The following CLCC1 variants were observed in gnomAD, a reference collection of about 807,000 sequenced individuals.
CLCC1 encodes chloride channel CLIC like 1, also known as chloride channel CLIC-like protein 1.
In CLCC1, 39 loss-of-function variants were observed where a neutral mutation model predicts 63.3. The ratio of observed to expected loss-of-function variants is 0.62; its 90% CI spans 0.48 to 0.81. The LOEUF is 0.81. Ranked by LOEUF, CLCC1 falls within the 30% of genes least tolerant of loss-of-function variation. CLCC1 has a pLI of 0.00. For synonymous variants in CLCC1, 217 were observed against 239.8 expected (o/e 0.90, Z 0.88); for missense variants, 549 against 669.4 (o/e 0.82, Z 1.98).
At chr1:108,946,204 G>A (rs999079810) in intron 5 of CLCC1, among the ~76,000 whole-genome samples, 1 of 152,050 alleles carries the variant, frequency 6.6e-6, no homozygotes, top group African/African-American at 2.4e-5. Context: ...CAGCTACTCA[G>A]GAGGCTGAGG....
At position 108,950,292 on chromosome 1, in the gene CLCC1, C is replaced by G; in HGVS notation, c.129+17G>C. 1.2e-6 allele frequency: 2 copies of G among 1,601,940 alleles called. No individual in the cohort carries two copies. The highest frequency in any genetic ancestry group is 1.7e-6 in the Non-Finnish European group (2 of 1,173,216). On this transcript the variant is annotated intron_variant, in intron 3 of 12. Transcript: ENST00000369969. ...ACTGATAAGGTCTCACACACATGCA[C>G]GAATTTTTTTTAATACCTGAGATTT...
Position 108,944,027 on chromosome 1 carries a change from C to T in CLCC1, c.370G>A (p.Asp124Asn), listed in dbSNP as rs1571035094. 1.9e-6 allele frequency: 3 copies of T among 1,608,576 alleles called. No individual in the cohort carries two copies. The highest frequency in any genetic ancestry group is 2.2e-5 in the East Asian group (1 of 44,834). Residue 124 changes from aspartate (D) to asparagine (N), a missense_variant, in exon 6 of 13, where the codon GAT (aspartate) becomes AAT (asparagine). Asp to Asn is a conservative substitution (Grantham distance 23, BLOSUM62 1). Coordinates refer to ENST00000369969, the MANE Select transcript of CLCC1 (RefSeq NM_001377458.1). ...TCTCTTTTAAGGATAATCTCAGCATCATAATGCATATCGCCTTTGTTTTCA... is the reference window on the plus strand; with the variant it reads ...TCTCTTTTAAGGATAATCTCAGCATTATAATGCATATCGCCTTTGTTTTCA... Reference protein sequence around the residue: ...PDENKGDMHYDAEIILKRETL... With the variant: ...PDENKGDMHYNAEIILKRETL...
Position 108,929,773 on chromosome 1 carries a change from G to A in CLCC1, c.*2774C>T. 1 of 1,613,834 alleles carries A rather than the reference G, an allele frequency of 6.2e-7. No individual in the cohort carries two copies. Among genetic ancestry groups the A allele is most frequent in the South Asian group, 1.1e-5 (1 of 91,078 alleles). ...AAAGGGTCCGACAGTACCAGATGAA[G>A]ACTTTTTCAGCCTTATTTTACGGTC... On this transcript the variant is annotated 3_prime_UTR_variant, in exon 13 of 13. Coordinates refer to ENST00000369969, the MANE Select transcript of CLCC1 (RefSeq NM_001377458.1).
At chr1:108,956,466 C>T (rs1418819079) in intron 2 of CLCC1, among the ~76,000 whole-genome samples, 1 of 150,990 alleles carries the variant, frequency 6.6e-6, no homozygotes, top group Non-Finnish European at 1.5e-5. Context: ...TCGAGACCAT[C>T]CCGGCTAACA....
In CLCC1 at chr1:108,930,187, C is replaced by CTT; in HGVS notation, c.*2358_*2359dup. Reference sequence around the variant, plus strand: ...CTGCTTGGGATGTGTTCTTTGGCAGCTTGTGAGATTACTTTACCTAGTGTT... The same window carrying CTT: ...CTGCTTGGGATGTGTTCTTTGGCAGCTTTTGTGAGATTACTTTACCTAGTGTT... On this transcript the variant is annotated 3_prime_UTR_variant, in exon 13 of 13. Transcript: ENST00000369969. 2.2e-6 allele frequency: 1 copy of CTT among 449,548 alleles called. No homozygotes were observed. Among genetic ancestry groups the CTT allele is most frequent in the Non-Finnish European group, 3.9e-6 (1 of 253,844 alleles). 27.8% of individuals were successfully genotyped at this position (449,548 alleles called of 1,614,324 possible).
At position 108,954,770 on chromosome 1, in the gene CLCC1, T is replaced by C. The variant is rs113218566; in HGVS notation, c.-11-4322A>G. Among the ~76,000 whole-genome samples, 100 of 151,316 alleles carry C rather than the reference T, an allele frequency of 6.6e-4. 7 individuals carry two copies. The highest frequency in any genetic ancestry group is 3.4e-3 in the Middle Eastern group (1 of 292). On this transcript the variant is annotated intron_variant, in intron 2 of 12. Transcript: ENST00000369969. ...TTGTGGAACGAGTTCAGCATTCATT[T>C]GTTCAACATTTACCAAATACCTACT...
chr1:108,943,053 G>A (rs1052946782), intron 7 of CLCC1, among the ~76,000 whole-genome samples: 1 of 152,076 alleles, frequency 6.6e-6, no homozygotes, highest in African/African-American at 2.4e-5. Flanking sequence ...GGGACTACAG[G>A]TGCACGTCAC....
chr1:108,939,797 A>G lies in CLCC1; in HGVS notation c.895-15T>C. ...ACTGCAAGTGCCTAAAACGAGAGAA[A>G]AGCAACTTAATTTTCTCCTCACAGG... On this transcript the variant is annotated splice_polypyrimidine_tract_variant and intron_variant, in intron 9 of 12. Coordinates refer to ENST00000369969, the MANE Select transcript of CLCC1 (RefSeq NM_001377458.1). 1 of 1,611,362 alleles carries G rather than the reference A, an allele frequency of 6.2e-7. No homozygotes were observed. The highest frequency in any genetic ancestry group is 8.5e-7 in the Non-Finnish European group (1 of 1,178,836).
intron 12 of CLCC1, chr1:108,933,709 T>C (rs950178046): frequency 6.6e-6 from 1 of 152,202 alleles, no homozygotes; most frequent in Non-Finnish European, 1.5e-5. Flanking sequence ...TTAAAAAGTT[T>C]AAAATGAGGA....
rs1158309311 is a variant in CLCC1, at chr1:108,939,781, G to A, written c.896C>T (p.Ala299Val). The A allele has an allele frequency of 6.2e-7, 1 of 1,612,472 alleles. No homozygotes were observed. The highest frequency in any genetic ancestry group is 1.1e-5 in the South Asian group (1 of 90,866). ...NPIWLVPPTK[A>V]LAVTFTTFVT... ...AAATGTGGTGAATGTAACTGCAAGT[G>A]CCTAAAACGAGAGAAAAGCAACTTA... The change falls in exon 10 of 13, where the codon GCA becomes GTA. Residue 299 changes from alanine to valine, a missense_variant and splice_region_variant. Physicochemically the swap from Ala to Val is moderately conservative, Grantham distance 64 (BLOSUM62 0). Transcript: ENST00000369969.
intron 2 of CLCC1, among the ~76,000 whole-genome samples, chr1:108,951,367 G>A (rs887955413): frequency 2.0e-5 from 3 of 152,184 alleles, no homozygotes; most frequent in Middle Eastern, 3.2e-3. Context: ...GGGTGACAGA[G>A]TGGGACCCCC....
chr1:108,942,561 C>A (rs1044186498), intron 7 of CLCC1, among the ~76,000 whole-genome samples: 1 of 152,134 alleles, frequency 6.6e-6, no homozygotes, highest in African/African-American at 2.4e-5. Context: ...AATTTTCTTT[C>A]AATGATTATT....
chr1:108,956,936 T>C (rs1332779150), intron 2 of CLCC1, among the ~76,000 whole-genome samples: 3 of 107,628 alleles, frequency 2.8e-5, no homozygotes, highest in African/African-American at 3.4e-5. Flanking sequence ...CAGTAAAGAG[T>C]GTGGTTTTTA....
chr1:108,939,453 C>T (rs547100785), intron 10 of CLCC1, among the ~76,000 whole-genome samples, 183 bp downstream of exon 10: 34 of 151,300 alleles, frequency 2.2e-4, no homozygotes, highest in Non-Finnish European at 4.7e-4. Flanking sequence ...ACTACAGGCG[C>T]CCGCCACCAC....
chr1:108,958,381 C>T (rs1571089419), intron 2 of CLCC1, among the ~76,000 whole-genome samples: 1 of 151,490 alleles, frequency 6.6e-6, no homozygotes, highest in African/African-American at 2.5e-5. Flanking sequence ...CCACATGGGA[C>T]GATGTCCACA....
At chr1:108,949,352 C>T (rs1654915763) in intron 4 of CLCC1, among the ~76,000 whole-genome samples, 1 of 152,200 alleles carries the variant, frequency 6.6e-6, no homozygotes. Flanking sequence ...TCTTCAGCTA[C>T]ATTTTTTTAA....
At chr1:108,947,372 G>A (rs1654679980) in intron 5 of CLCC1, among the ~76,000 whole-genome samples, 3 of 152,112 alleles carry the variant, frequency 2.0e-5, no homozygotes, top group Admixed American at 1.3e-4. Flanking sequence ...ACAGAGCTGA[G>A]TAAGTAAATC....
intron 11 of CLCC1, among the ~76,000 whole-genome samples, chr1:108,936,306 AG>A (rs1369161595): frequency 6.6e-6 from 1 of 152,150 alleles, no homozygotes; most frequent in Non-Finnish European, 1.5e-5. Context: ...CACGTTGGCC[AG>A]GCTGGTCTTG....
chr1:108,931,640 A>AAG lies in CLCC1; in HGVS notation c.*906_*907insCT. 1 of 1,121,448 alleles carries AAG rather than the reference A, an allele frequency of 8.9e-7. No homozygotes were observed. Among genetic ancestry groups the AAG allele is most frequent in the Non-Finnish European group, 1.2e-6 (1 of 828,510 alleles). 69.5% of individuals were successfully genotyped at this position (1,121,448 alleles called of 1,614,324 possible). A position where few individuals can be genotyped will look rare whatever the true frequency, so the allele number is the denominator to read the frequency against. ...TTAAGTGCTCAGCTAAAAAAAAAAA[A>AAG]AAAGTTCTAAATTACAACCTGGATT... On this transcript the variant is annotated 3_prime_UTR_variant, in exon 13 of 13. Coordinates refer to ENST00000369969, the MANE Select transcript of CLCC1 (RefSeq NM_001377458.1).
Sources: gnomAD v4.1 joint callset for allele counts (sites outside exome capture counted in the v4.1 genomes callset) on GRCh38, gnomAD v4.1.1 for gene constraint, MANE v1.5 for transcripts, NCBI Gene and HGNC (gene_info 2026-07-23, HGNC 2026-07-21) for gene names.